Variants in SEMA5A observed in about 807,000 individuals in gnomAD.
SEMA5A encodes semaphorin-5A.
Under a neutral mutation model 135.5 loss-of-function variants are expected in SEMA5A, and 55 were observed. The observed-to-expected ratio is 0.41, with a 90% CI of 0.33 to 0.51. SEMA5A has a LOEUF of 0.51. Ranked by LOEUF, SEMA5A falls within the 20% of genes least tolerant of loss-of-function variation. The pLI is 0.37. For missense variants in SEMA5A, 1,290 were observed against 1,419.9 expected, an observed-to-expected ratio of 0.91 and a Z score of 1.47; for synonymous variants, 580 against 546.5, an observed-to-expected ratio of 1.06 and a Z score of -0.85.
intron 18 of SEMA5A, among the ~76,000 whole-genome samples, chr5:9,060,120 G>T (rs920373031): frequency 2.6e-5 from 4 of 152,236 alleles, no homozygotes; most frequent in Non-Finnish European, 4.4e-5. Flanking sequence ...GCACCACTCA[G>T]CCCTGACTCA....
At chr5:9,531,829 A>G (rs766361544) in intron 1 of SEMA5A, among the ~76,000 whole-genome samples, 15 of 152,194 alleles carry the variant, frequency 9.9e-5, no homozygotes, top group Non-Finnish European at 1.8e-4. Context: ...TAGACCAAAT[A>G]CTACCATTTA....
chr5:9,369,921 C>A (rs1755067612), intron 3 of SEMA5A, among the ~76,000 whole-genome samples: 1 of 152,118 alleles, frequency 6.6e-6, no homozygotes, highest in African/African-American at 2.4e-5. Flanking sequence ...TTTTCCTCAA[C>A]CCTTATCACT....
At chr5:9,488,497 TC>T (rs1195897395) in intron 1 of SEMA5A, among the ~76,000 whole-genome samples, 2 of 152,214 alleles carry the variant, frequency 1.3e-5, no homozygotes, top group Admixed American at 6.5e-5. Flanking sequence ...TGTCCTATTA[TC>T]AGCCTGAAAG....
At chr5:9,154,966 C>G (rs767257511) in intron 11 of SEMA5A, among the ~76,000 whole-genome samples, 1 of 152,104 alleles carries the variant, frequency 6.6e-6, no homozygotes, top group Non-Finnish European at 1.5e-5. Flanking sequence ...CCTTCCAGTT[C>G]CAAGTCTCGG....
intron 1 of SEMA5A, among the ~76,000 whole-genome samples, chr5:9,439,664 T>C (rs909306533): frequency 6.6e-6 from 1 of 152,162 alleles, no homozygotes; most frequent in Non-Finnish European, 1.5e-5. Context: ...AAAAAGATCA[T>C]TGCAAGAATT....
At chr5:9,530,268 T>G (rs1000743287) in intron 1 of SEMA5A, among the ~76,000 whole-genome samples, 1 of 152,230 alleles carries the variant, frequency 6.6e-6, no homozygotes, top group African/African-American at 2.4e-5. Flanking sequence ...TGCTTACACA[T>G]GGTTGCTTGT....
intron 12 of SEMA5A, among the ~76,000 whole-genome samples, chr5:9,141,242 A>G (rs1022100516): frequency 2.6e-5 from 4 of 152,200 alleles, no homozygotes; most frequent in African/African-American, 7.2e-5. Context: ...GAAACTGTGG[A>G]AAATCATGGG....
chr5:9,346,692 G>A (rs1579384661), intron 3 of SEMA5A, among the ~76,000 whole-genome samples: 1 of 152,212 alleles, frequency 6.6e-6, no homozygotes, highest in East Asian at 1.9e-4. Flanking sequence ...TAGTGCCAAA[G>A]TGGCCAGCTG....
chr5:9,448,172 C>T (rs957398870), intron 1 of SEMA5A, among the ~76,000 whole-genome samples: 1 of 152,212 alleles, frequency 6.6e-6, no homozygotes, highest in Non-Finnish European at 1.5e-5. Flanking sequence ...TTGACACTCT[C>T]CCCAACCTTT....
chr5:9,434,853 G>C (rs1757975544), intron 2 of SEMA5A, among the ~76,000 whole-genome samples: 1 of 152,134 alleles, frequency 6.6e-6, no homozygotes, highest in Non-Finnish European at 1.5e-5. Flanking sequence ...AGGCTCTTGA[G>C]TTTGCTGCAA....
At chr5:9,311,753 A>G (rs907950509) in intron 5 of SEMA5A, among the ~76,000 whole-genome samples, 4 of 152,160 alleles carry the variant, frequency 2.6e-5, no homozygotes, top group Non-Finnish European at 4.4e-5. Context: ...TGATAATAAA[A>G]TAAAATAAAA....
intron 5 of SEMA5A, among the ~76,000 whole-genome samples, chr5:9,317,624 G>A (rs1389861433): frequency 6.6e-6 from 1 of 152,154 alleles, no homozygotes. Flanking sequence ...TCACCTCTTA[G>A]AGCTCTAGCA....
At chr5:9,078,774 A>T (rs953070838) in intron 16 of SEMA5A, among the ~76,000 whole-genome samples, 1 of 152,178 alleles carries the variant, frequency 6.6e-6, no homozygotes, top group Non-Finnish European at 1.5e-5. Flanking sequence ...TTAGAATAAT[A>T]GAGTACTTAT....
At chr5:9,516,523 T>C (rs1736529738) in intron 1 of SEMA5A, 1 of 151,986 alleles carries the variant, frequency 6.6e-6, no homozygotes, top group Non-Finnish European at 1.5e-5. Context: ...TGTAGAAAAC[T>C]GTCTTCACTT....
At chr5:9,390,418 C>T (rs1380509451) in intron 2 of SEMA5A, among the ~76,000 whole-genome samples, 6 of 152,172 alleles carry the variant, frequency 3.9e-5, no homozygotes, top group Non-Finnish European at 7.3e-5. Context: ...TATTATAATT[C>T]ACACCAGAAA....
intron 2 of SEMA5A, among the ~76,000 whole-genome samples, chr5:9,418,745 G>A (rs550608827): frequency 6.6e-6 from 1 of 152,280 alleles, no homozygotes; most frequent in African/African-American, 2.4e-5. Context: ...TATACTCCTG[G>A]TGCTGATGAG....
chr5:9,305,728 T>TATATATATATATA (rs1287444762), intron 5 of SEMA5A, among the ~76,000 whole-genome samples: 4 of 94,998 alleles, frequency 4.2e-5, no homozygotes, highest in African/African-American at 1.2e-4. Flanking sequence ...ATATATATAT[T>TATATATATATATA]TACACGCACA....
chr5:9,403,929 T>A (rs1003622856), intron 2 of SEMA5A, among the ~76,000 whole-genome samples: 32 of 145,426 alleles, frequency 2.2e-4, no homozygotes, highest in African/African-American at 7.1e-4. Flanking sequence ...TTTGTTTGTT[T>A]GTTTGTCTGT....
intron 5 of SEMA5A, among the ~76,000 whole-genome samples, chr5:9,300,731 C>T (rs1163817165): frequency 6.6e-6 from 1 of 152,124 alleles, no homozygotes; most frequent in Non-Finnish European, 1.5e-5. Flanking sequence ...AATCCTAAAT[C>T]CAGTTGCAAG....
Sources: allele counts gnomAD v4.1 joint callset (sites outside exome capture counted in the v4.1 genomes callset), GRCh38; gene constraint gnomAD v4.1.1; transcripts MANE v1.5; gene names NCBI Gene and HGNC (gene_info 2026-07-23, HGNC 2026-07-21).